LRRTM4: variants seen among roughly 807,000 people sequenced by gnomAD.
LRRTM4 encodes leucine-rich repeat transmembrane neuronal protein 4.
LRRTM4 carries 25 observed loss-of-function variants against 47.6 expected under a neutral mutation model. The observed-to-expected ratio is 0.53, with a 90% CI of 0.38 to 0.73. The LOEUF (loss-of-function observed/expected upper bound fraction) is 0.73. LRRTM4 is among the 30% of genes least tolerant of loss of function. The probability of loss-of-function intolerance (pLI) is 0.00; values close to 1 mark genes in which losing one functional copy is unlikely to be tolerated. For missense variants in LRRTM4, 638 were observed against 713.4 expected, an observed-to-expected ratio of 0.89 and a Z score of 1.20; for synonymous variants, 311 against 269.5, an observed-to-expected ratio of 1.15 and a Z score of -1.51.
At chr2:77,410,057 T>C (rs1674358898) in intron 3 of LRRTM4, among the ~76,000 whole-genome samples, 1 of 152,196 alleles carries the variant, frequency 6.6e-6, no homozygotes, top group African/African-American at 2.4e-5. Flanking sequence ...TATATATATA[T>C]AATGATGTCA....
At chr2:77,438,470 G>C (rs991894786) in intron 3 of LRRTM4, among the ~76,000 whole-genome samples, 3 of 137,996 alleles carry the variant, frequency 2.2e-5, no homozygotes, top group African/African-American at 8.4e-5. Context: ...GTAGTGGCGC[G>C]ATCTCGGCTC....
At chr2:77,044,668 CACATAT>C (rs1279489552) in intron 3 of LRRTM4, among the ~76,000 whole-genome samples, 2 of 151,296 alleles carry the variant, frequency 1.3e-5, no homozygotes, top group African/African-American at 4.9e-5. Context: ...CACACACATA[CACATAT>C]ACACACATAT....
rs1224282762 is a variant in LRRTM4 at position 77,299,221 on chromosome 2, T to C, written c.1551+219097A>G. On this transcript the variant is annotated intron_variant, in intron 3 of 3. Transcript: ENST00000409884. ...AAGGAAGAGAAATACTAGGTAGTTC[T>C]TCCTACAATCTCTCTCTCTCTTTAT... 2.7e-5 allele frequency among the ~76,000 whole-genome samples: 4 copies of C among 149,552 alleles called. No individual in the cohort carries two copies. In the East Asian group the frequency reaches 7.8e-4, roughly 29 times the overall value.
intron 3 of LRRTM4, among the ~76,000 whole-genome samples, chr2:77,209,649 A>G (rs1674238471): frequency 6.6e-6 from 1 of 152,196 alleles, no homozygotes; most frequent in Non-Finnish European, 1.5e-5. Context: ...TGATTTATTT[A>G]GCCAAAAAAT....
intron 3 of LRRTM4, among the ~76,000 whole-genome samples, chr2:76,937,252 GC>G (rs1674986800): frequency 6.6e-6 from 1 of 151,960 alleles, no homozygotes; most frequent in African/African-American, 2.4e-5. Context: ...GAGGCATATG[GC>G]AAAAATATTT....
At chr2:76,782,521 T>A (rs1047726591) in intron 3 of LRRTM4, among the ~76,000 whole-genome samples, 1 of 152,230 alleles carries the variant, frequency 6.6e-6, no homozygotes, top group African/African-American at 2.4e-5. Flanking sequence ...CTATGAATTA[T>A]TACAGCAGTA....
chr2:76,753,777 G>A (rs2104060521), intron 3 of LRRTM4, among the ~76,000 whole-genome samples: 1 of 152,220 alleles, frequency 6.6e-6, no homozygotes, highest in South Asian at 2.1e-4. Flanking sequence ...TGTCTGTATA[G>A]TAAATGTGAG....
At chr2:77,370,185 A>G (rs1335936098) in intron 3 of LRRTM4, among the ~76,000 whole-genome samples, 2 of 151,744 alleles carry the variant, frequency 1.3e-5, no homozygotes, top group Non-Finnish European at 2.9e-5. Flanking sequence ...AGAAACTCAC[A>G]GAAGACAGTG....
intron 3 of LRRTM4, among the ~76,000 whole-genome samples, chr2:76,854,928 A>T (rs1463132001): frequency 6.6e-6 from 1 of 152,148 alleles, no homozygotes; most frequent in Non-Finnish European, 1.5e-5. Flanking sequence ...TCATTAAAAA[A>T]AGAAAGAAAC....
intron 3 of LRRTM4, among the ~76,000 whole-genome samples, chr2:76,830,496 C>G (rs544967564): frequency 3.6e-4 from 52 of 143,336 alleles, no homozygotes; most frequent in African/African-American, 1.3e-3. Flanking sequence ...AATAAGTTGT[C>G]TATGTGTGGC....
intron 3 of LRRTM4, among the ~76,000 whole-genome samples, chr2:77,183,454 G>C (rs1394702508): frequency 6.6e-6 from 1 of 152,148 alleles, no homozygotes; most frequent in East Asian, 1.9e-4. Flanking sequence ...AGGATGTGGA[G>C]AAATAGGAAT....
chr2:77,207,105 C>G (rs1408419957), intron 3 of LRRTM4, among the ~76,000 whole-genome samples: 1 of 146,006 alleles, frequency 6.8e-6, no homozygotes, highest in Non-Finnish European at 1.5e-5. Flanking sequence ...TGTTTGTAAC[C>G]AACTGAAATT....
At chr2:76,811,193 T>C (rs1032740577) in intron 3 of LRRTM4, among the ~76,000 whole-genome samples, 1 of 152,182 alleles carries the variant, frequency 6.6e-6, no homozygotes, top group Non-Finnish European at 1.5e-5. Context: ...AAAAGGTTAT[T>C]ACTAACATGC....
chr2:76,932,448 A>G (rs1674801937), intron 3 of LRRTM4, among the ~76,000 whole-genome samples: 1 of 152,026 alleles, frequency 6.6e-6, no homozygotes, highest in Admixed American at 6.6e-5. Flanking sequence ...CCCTATCTTC[A>G]TCACAGGAGT....
Position 77,098,620 on chromosome 2 carries a change from C to T in LRRTM4, c.1552-349704G>A, listed in dbSNP as rs185277020. ...TTGCTTCCATAAGACATAAAGAATA[C>T]AAACCACTAATTTAAAAGACTGATA... On this transcript the variant is annotated intron_variant, in intron 3 of 3. Coordinates refer to ENST00000409884, the MANE Select transcript of LRRTM4 (RefSeq NM_001134745.3). Among the ~76,000 whole-genome samples the T allele has an allele frequency of 5.9e-5, 9 of 152,002 alleles. 1 individual carries two copies. Among genetic ancestry groups the T allele is most frequent in the Middle Eastern group, 6.8e-3 (2 of 292 alleles).
chr2:76,922,363 C>T (rs1251938495), intron 3 of LRRTM4, among the ~76,000 whole-genome samples: 2 of 152,008 alleles, frequency 1.3e-5, no homozygotes, highest in Non-Finnish European at 2.9e-5. Context: ...CCTGGCAGAG[C>T]AGGAGAGAGA....
chr2:76,879,523 C>T (rs1177667806), intron 3 of LRRTM4, among the ~76,000 whole-genome samples: 1 of 152,174 alleles, frequency 6.6e-6, no homozygotes, highest in Non-Finnish European at 1.5e-5. Flanking sequence ...TAAAACATTG[C>T]TTTCAAAATA....
intron 3 of LRRTM4, among the ~76,000 whole-genome samples, chr2:77,220,368 C>T (rs764264431): frequency 2.0e-5 from 3 of 152,156 alleles, no homozygotes; most frequent in South Asian, 2.1e-4. Flanking sequence ...ATGACTTCTA[C>T]GAGTTGAGAG....
At chr2:76,801,807 G>T (rs186593877) in intron 3 of LRRTM4, among the ~76,000 whole-genome samples, 3 of 152,210 alleles carry the variant, frequency 2.0e-5, no homozygotes, top group Admixed American at 2.0e-4. Context: ...AGGAAGCAAT[G>T]ATGTGTCAAC....
Sources: gnomAD v4.1 joint callset for allele counts (sites outside exome capture counted in the v4.1 genomes callset) on GRCh38, gnomAD v4.1.1 for gene constraint, MANE v1.5 for transcripts, NCBI Gene and HGNC (gene_info 2026-07-23, HGNC 2026-07-21) for gene names.